The following KHDRBS3 variants were observed in gnomAD, a reference collection of about 807,000 sequenced individuals.
KHDRBS3 encodes the protein KH domain-containing, RNA-binding, signal transduction-associated protein 3.
A neutral mutation model predicts 45.6 loss-of-function variants in KHDRBS3; 23 were observed. The observed-to-expected ratio is 0.50, with a 90% CI of 0.36 to 0.72. The LOEUF (loss-of-function observed/expected upper bound fraction) is 0.72, where lower values mean the gene tolerates loss of function less well. KHDRBS3 is among the 30% of genes least tolerant of loss of function. The pLI is 0.00. For synonymous variants in KHDRBS3, 162 were observed against 156.5 expected, an observed-to-expected ratio of 1.04 and a Z score of -0.26; for missense variants, 352 against 424.8, an observed-to-expected ratio of 0.83 and a Z score of 1.51.
chr8:135,583,861 C>T (rs1828330544), intron 6 of KHDRBS3, among the ~76,000 whole-genome samples: 1 of 152,016 alleles, frequency 6.6e-6, no homozygotes, highest in Admixed American at 6.5e-5. Context: ...AGGTTAAAGT[C>T]CAAAGGAGGA....
chr8:135,560,752 A>G (rs1406426303), intron 5 of KHDRBS3, among the ~76,000 whole-genome samples: 1 of 152,176 alleles, frequency 6.6e-6, no homozygotes, highest in Non-Finnish European at 1.5e-5. Flanking sequence ...TTGATGGTTA[A>G]TATTCTGTGA....
intron 1 of KHDRBS3, among the ~76,000 whole-genome samples, chr8:135,481,251 T>TATATATATATATATATATA (rs1822560850): frequency 7.6e-6 from 1 of 131,012 alleles, no homozygotes; most frequent in African/African-American, 3.1e-5. Context: ...TATATATATA[T>TATATATATATATATATATA]TTAATGTAAG....
chr8:135,474,443 G>A (rs1822168632), intron 1 of KHDRBS3, among the ~76,000 whole-genome samples: 1 of 152,186 alleles, frequency 6.6e-6, no homozygotes, highest in African/African-American at 2.4e-5. Flanking sequence ...GACTTCATTT[G>A]AGTTGGCTGA....
intron 2 of KHDRBS3, among the ~76,000 whole-genome samples, chr8:135,537,242 A>T (rs116361812): frequency 6.6e-6 from 1 of 152,222 alleles, no homozygotes; most frequent in African/African-American, 2.4e-5. Context: ...TTCCAAGTTC[A>T]GTGTTGAGTG....
At chr8:135,584,452 G>C (rs1828366849) in intron 6 of KHDRBS3, among the ~76,000 whole-genome samples, 1 of 152,188 alleles carries the variant, frequency 6.6e-6, no homozygotes, top group African/African-American at 2.4e-5. Context: ...TCATCATGAA[G>C]GGTTCAGATT....
chr8:135,472,941 A>T (rs1375238124), intron 1 of KHDRBS3, among the ~76,000 whole-genome samples: 1 of 152,182 alleles, frequency 6.6e-6, no homozygotes, highest in Non-Finnish European at 1.5e-5. Flanking sequence ...AAGGAAAAGA[A>T]TCCCTCAGTT....
At chr8:135,619,533 C>A (rs1339934093) in intron 7 of KHDRBS3, among the ~76,000 whole-genome samples, 2 of 152,088 alleles carry the variant, frequency 1.3e-5, no homozygotes, top group Non-Finnish European at 2.9e-5. Context: ...AGTTATTTAA[C>A]CTGTGCTCTA....
intron 7 of KHDRBS3, among the ~76,000 whole-genome samples, chr8:135,634,594 T>C (rs548586058): frequency 6.6e-6 from 1 of 152,352 alleles, no homozygotes; most frequent in African/African-American, 2.4e-5. Context: ...CACTAGTAGA[T>C]AAAACATGCC....
At chr8:135,573,933 G>A (rs1827827763) in intron 5 of KHDRBS3, among the ~76,000 whole-genome samples, 1 of 151,950 alleles carries the variant, frequency 6.6e-6, no homozygotes, top group Non-Finnish European at 1.5e-5. Flanking sequence ...TTGTCTTTTT[G>A]CTCTTCTGTT....
At chr8:135,622,333 C>G (rs1018004319) in intron 7 of KHDRBS3, among the ~76,000 whole-genome samples, 1 of 152,070 alleles carries the variant, frequency 6.6e-6, no homozygotes, top group Non-Finnish European at 1.5e-5. Context: ...GATTAAAATA[C>G]AATACTATAA....
chr8:135,581,836 A>G, intron 5 of KHDRBS3, 42 bp from the exon 6 acceptor site: 3 of 1,357,578 alleles, frequency 2.2e-6, no homozygotes, highest in Non-Finnish European at 3.0e-6. Flanking sequence ...AGAATGTTAG[A>G]GACTATGATA....
At chr8:135,458,879 G>A in intron 1 of KHDRBS3, 1 of 456,240 alleles carries the variant, frequency 2.2e-6, no homozygotes, top group Non-Finnish European at 4.4e-6. Flanking sequence ...TTTTCCTCCT[G>A]TGGCTTCCTG....
chr8:135,629,280 T>G lies in KHDRBS3; in HGVS notation c.891-15779T>G, dbSNP rs1830496699. ...GGTTAAGGATAATAGTCACCATTTA[T>G]TTTGTACTGACTAAATGGCAGGCCA... On this transcript the variant is annotated intron_variant, in intron 7 of 8. Transcript: ENST00000355849. Among the ~76,000 whole-genome samples, 3 of 152,242 alleles carry G rather than the reference T, an allele frequency of 2.0e-5. No individual in the cohort carries two copies. The South Asian group carries it at 6.2e-4, about 31-fold the overall frequency.
chr8:135,615,447 A>G (rs946644025), intron 7 of KHDRBS3, among the ~76,000 whole-genome samples: 1 of 152,186 alleles, frequency 6.6e-6, no homozygotes, highest in African/African-American at 2.4e-5. Context: ...ATTATTGAGA[A>G]AACTGAGACT....
chr8:135,623,032 T>C (rs1173360967), intron 7 of KHDRBS3, among the ~76,000 whole-genome samples: 1 of 152,222 alleles, frequency 6.6e-6, no homozygotes, highest in African/African-American at 2.4e-5. Flanking sequence ...CTAACAGTTC[T>C]CCTTATTACA....
At chr8:135,636,080 T>C (rs1382538811) in intron 7 of KHDRBS3, among the ~76,000 whole-genome samples, 1 of 152,182 alleles carries the variant, frequency 6.6e-6, no homozygotes, top group East Asian at 1.9e-4. Context: ...TTTGAGAAAA[T>C]GTGAACCAGA....
At chr8:135,568,942 A>G (rs140023918) in intron 5 of KHDRBS3, among the ~76,000 whole-genome samples, 272 of 152,240 alleles carry the variant, frequency 1.8e-3, no homozygotes, top group African/African-American at 5.9e-3. Flanking sequence ...ATATTGAAGA[A>G]CCATGTTAAA....
At chr8:135,585,954 A>G (rs923404339) in intron 6 of KHDRBS3, among the ~76,000 whole-genome samples, 1 of 152,212 alleles carries the variant, frequency 6.6e-6, no homozygotes, top group Non-Finnish European at 1.5e-5. Context: ...ATTTGAGAAA[A>G]TAACTTTCCT....
At chr8:135,541,267 T>A (rs1179118966) in intron 2 of KHDRBS3, 1 of 152,150 alleles carries the variant, frequency 6.6e-6, no homozygotes, top group African/African-American at 2.4e-5. Context: ...TAAAAGTAAA[T>A]GGGGAGCTAG....
Sources: gnomAD v4.1 joint callset for allele counts (sites outside exome capture counted in the v4.1 genomes callset) on GRCh38, gnomAD v4.1.1 for gene constraint, MANE v1.5 for transcripts, NCBI Gene and HGNC (gene_info 2026-07-23, HGNC 2026-07-21) for gene names.